DENND4C: variants seen among roughly 807,000 people sequenced by gnomAD.
DENND4C encodes the protein DENN domain-containing protein 4C.
DENND4C carries 108 observed loss-of-function variants against 203.0 expected under a neutral mutation model. That is an observed-to-expected ratio of 0.53 (90% confidence interval 0.46 to 0.62). DENND4C has a LOEUF of 0.62. DENND4C is among the 20% of genes least tolerant of loss of function. The pLI is 0.00. For synonymous variants in DENND4C, 871 were observed against 792.4 expected (o/e 1.10, Z -1.67); for missense variants, 2,481 against 2,301.2 (o/e 1.08, Z -1.60).
chr9:19,327,531 A>G (rs975244671), intron 15 of DENND4C, among the ~76,000 whole-genome samples: 8 of 152,070 alleles, frequency 5.3e-5, no homozygotes, highest in Non-Finnish European at 1.2e-4. Flanking sequence ...AGATATACAT[A>G]TGAAAATATT....
chr9:19,260,856 C>G (rs1564095839), intron 1 of DENND4C, among the ~76,000 whole-genome samples: 1 of 152,052 alleles, frequency 6.6e-6, no homozygotes, highest in Non-Finnish European at 1.5e-5. Context: ...GTTACCTATG[C>G]TTTTGGGGTC....
intron 20 of DENND4C, chr9:19,337,578 G>C: frequency 1.6e-6 from 2 of 1,237,404 alleles, no homozygotes; most frequent in South Asian, 2.8e-5. Context: ...ATTTGTCCTT[G>C]GCTGTCATGG....
At chr9:19,244,739 CAAAAA>C (rs11459976) in intron 1 of DENND4C, among the ~76,000 whole-genome samples, 1 of 142,400 alleles carries the variant, frequency 7.0e-6, no homozygotes, top group Non-Finnish European at 1.5e-5. Flanking sequence ...GACCCCACCT[CAAAAA>C]AAAAAAAAAA....
intron 7 of DENND4C, among the ~76,000 whole-genome samples, chr9:19,298,689 A>G (rs1383794680): frequency 6.6e-6 from 1 of 152,124 alleles, no homozygotes; most frequent in Non-Finnish European, 1.5e-5. Flanking sequence ...TTTGCTCTTC[A>G]TTTATATACT....
chr9:19,356,809 G>C (rs1302571269), intron 26 of DENND4C, among the ~76,000 whole-genome samples, 163 bp from the exon 27 acceptor site: 1 of 151,636 alleles, frequency 6.6e-6, no homozygotes, highest in Non-Finnish European at 1.5e-5. Flanking sequence ...GAGAGAGAGA[G>C]AGAGAGAGTG....
intron 7 of DENND4C, among the ~76,000 whole-genome samples, chr9:19,298,902 A>G (rs985512781): frequency 3.3e-5 from 5 of 152,172 alleles, no homozygotes; most frequent in South Asian, 4.1e-4. Context: ...CCAAGTGCCT[A>G]CAGTCTGTTG....
Position 19,300,318 on chromosome 9 carries a change from A to G in DENND4C, c.1298A>G (p.Glu433Gly). 1 of 1,589,526 alleles carries G rather than the reference A, an allele frequency of 6.3e-7. No homozygotes were observed. Among genetic ancestry groups the G allele is most frequent in the Non-Finnish European group, 8.6e-7 (1 of 1,163,418 alleles). Residue 433 changes from glutamate to glycine, a missense_variant, in exon 9 of 33, where the codon GAA (glutamate) becomes GGA (glycine). This residue lies in a region of DENND4C where 2,289 missense variants were observed against 2,113.3 expected (regional missense o/e 1.08). Transcript: ENST00000434457. ...LRPAVLTGVA[E>G]AVVAMIFPFQ... ...CCAGCTGTCTTGACTGGGGTAGCTG[A>G]AGCTGTTGTAGCTGTAAGTATAGAA...
In DENND4C at chr9:19,276,548, T is replaced by A. The variant is rs79323777; in HGVS notation, c.305+69T>A. On this transcript the variant is annotated intron_variant, in intron 2 of 32. Coordinates refer to ENST00000434457, the MANE Select transcript of DENND4C (RefSeq NM_001330640.2). ...TATTTAAGGGCCATGGAAGTAGGAA[T>A]TTGAAATCCTTGATAGTTTTATTAT... is the stretch of plus-strand genomic sequence containing the variant. 944 of 889,312 alleles carry A rather than the reference T, an allele frequency of 1.1e-3. 5 individuals are homozygous for A. In the African/African-American group the frequency reaches 0.014, roughly 14 times the overall value. 55.1% of individuals were successfully genotyped at this position (889,312 alleles called of 1,614,324 possible). A position where few individuals can be genotyped will look rare whatever the true frequency, so the allele number is the denominator to read the frequency against.
Position 19,300,434 on chromosome 9 carries a change from T to TA in DENND4C, c.1311+110dup, listed in dbSNP as rs1588874478. ...GCAACTTTGTAAACAACAACAAATT[T>TA]AAAAAAAGGAACTTTGAAAAATTTC... On this transcript the variant is annotated intron_variant, in intron 9 of 32. Transcript: ENST00000434457. 4.3e-6 allele frequency: 5 copies of TA among 1,150,856 alleles called. No individual in the cohort carries two copies. In the African/African-American group the frequency reaches 6.3e-5, roughly 15 times the overall value. The allele number at this position is 1,150,856 out of a possible 1,614,324, so 71.3% of individuals were successfully genotyped here. A position where few individuals can be genotyped will look rare whatever the true frequency, so the allele number is the denominator to read the frequency against.
chr9:19,372,146 G>T lies in DENND4C; in HGVS notation c.5850G>T (p.Arg1950Ser). 2.5e-6 allele frequency: 4 copies of T among 1,613,554 alleles called. No homozygotes were observed. Among genetic ancestry groups the T allele is most frequent in the Non-Finnish European group, 3.4e-6 (4 of 1,179,838 alleles). ...CAAGTGCCAGTGTCGAGTGGTGCAG[G>T]AAGTGTTTTGGAGCGCCTCTCATTT... is the stretch of plus-strand genomic sequence containing the variant. ...APPSASVEWC[R>S]KCFGAPLI The change falls in exon 33 of 33, where the codon AGG (arginine) becomes AGT (serine). Residue 1950 changes from arginine (R) to serine (S), a missense_variant. Physicochemically the swap from Arg to Ser is moderately radical, Grantham distance 110. Around this residue, in one of 3 missense-constraint regions of DENND4C, gnomAD observed 2,289 missense variants for 2,113.3 expected, o/e 1.08. Coordinates refer to ENST00000434457, the MANE Select transcript of DENND4C (RefSeq NM_001330640.2).
chr9:19,279,491 A>T (rs1020179699), intron 2 of DENND4C, among the ~76,000 whole-genome samples: 4 of 152,148 alleles, frequency 2.6e-5, no homozygotes, highest in African/African-American at 9.7e-5. Flanking sequence ...CCTGTCCAAC[A>T]TGGTGAAACC....
At chr9:19,337,725 A>G (rs1242825998) in intron 20 of DENND4C, 5 of 1,087,274 alleles carry the variant, frequency 4.6e-6, no homozygotes, top group African/African-American at 1.6e-5. Context: ...GGTGGGGGAA[A>G]GACCTTTCAT....
intron 1 of DENND4C, among the ~76,000 whole-genome samples, chr9:19,250,012 T>C (rs1014337376): frequency 3.3e-5 from 5 of 152,178 alleles, no homozygotes; most frequent in Non-Finnish European, 7.3e-5. Context: ...TCAAAAGTTA[T>C]ATGTGGCTGG....
At chr9:19,252,540 C>G (rs1341498578) in intron 1 of DENND4C, among the ~76,000 whole-genome samples, 1 of 152,102 alleles carries the variant, frequency 6.6e-6, no homozygotes, top group Non-Finnish European at 1.5e-5. Flanking sequence ...TATAATGGCA[C>G]CACTCTACTC....
intron 12 of DENND4C, among the ~76,000 whole-genome samples, chr9:19,319,331 T>TATATACAC (rs1443424950): frequency 2.8e-4 from 11 of 39,258 alleles, no homozygotes; most frequent in Non-Finnish European, 6.2e-4. Context: ...TATATACATA[T>TATATACAC]ATATACACAT....
intron 1 of DENND4C, among the ~76,000 whole-genome samples, chr9:19,235,965 G>A (rs1454899797): frequency 2.7e-5 from 4 of 150,894 alleles, no homozygotes; most frequent in Non-Finnish European, 5.9e-5. Context: ...GGTTGTTCTC[G>A]AATTGAGTTT....
rs35973945 is a variant in DENND4C at position 19,272,945 on chromosome 9, C to CT, written c.-17-3192dup. ...ACTACGCCTGGCTAATTTTTGTATC[C>CT]TTTTTTTTTTTTTTTTTTTTTGAGA... is the stretch of plus-strand genomic sequence containing the variant. On this transcript the variant is annotated intron_variant, in intron 1 of 32. Coordinates refer to ENST00000434457, the MANE Select transcript of DENND4C (RefSeq NM_001330640.2). Among the ~76,000 whole-genome samples the CT allele has an allele frequency of 8.3e-3, 716 of 86,568 alleles. 8 individuals are homozygous for CT. Among genetic ancestry groups the CT allele is most frequent in the Middle Eastern group, 0.028 (3 of 108 alleles). 56.8% of individuals were successfully genotyped at this position (86,568 alleles called of 152,430 possible).
chr9:19,296,044 T>C lies in DENND4C; in HGVS notation c.838T>C (p.Ser280Pro). ...GAAIQFYEPY[S>P]RELLSEKQLM... ...TGCCATTCAGTTTTATGAACCTTAC[T>C]CTCGGGAACTTCTATCAGAGAAACA... Residue 280 changes from serine to proline, a missense_variant, in exon 6 of 33, where the codon TCT (serine) becomes CCT (proline). Ser to Pro is a moderately conservative substitution (Grantham distance 74). Coordinates refer to ENST00000434457, the MANE Select transcript of DENND4C (RefSeq NM_001330640.2). 1 of 1,614,156 alleles carries C rather than the reference T, an allele frequency of 6.2e-7. No individual in the cohort carries two copies. Among genetic ancestry groups the C allele is most frequent in the Non-Finnish European group, 8.5e-7 (1 of 1,179,996 alleles).
rs1388415059 is a variant in DENND4C, at chr9:19,346,471, A to G, written c.3702A>G (p.Leu1234=). Reference sequence around the variant, plus strand: ...ATCTGAGGAATAAGAGAAGTAGTTTATATGGTATTGCTAAGGTGGTTCAGA... The same window carrying G: ...ATCTGAGGAATAAGAGAAGTAGTTTGTATGGTATTGCTAAGGTGGTTCAGA... The part of the protein sequence containing the change: ...SKDLRNKRSS[L]YGIAKVVQRE... Residue 1234 remains leucine (L), a synonymous_variant, in exon 23 of 33, where the codon TTA becomes TTG. Transcript: ENST00000434457. 6.2e-7 allele frequency: 1 copy of G among 1,614,182 alleles called. No homozygotes were observed. Among genetic ancestry groups the G allele is most frequent in the Non-Finnish European group, 8.5e-7 (1 of 1,180,028 alleles).
Sources: allele counts gnomAD v4.1 joint callset (sites outside exome capture counted in the v4.1 genomes callset), GRCh38; gene constraint gnomAD v4.1.1; regional missense constraint gnomAD v4.1.1; transcripts MANE v1.5; gene names NCBI Gene and HGNC (gene_info 2026-07-23, HGNC 2026-07-21).